VPS50: variants seen among roughly 807,000 people sequenced by gnomAD.
The protein encoded by VPS50 is VPS50 subunit of EARP/GARPII complex.
A neutral mutation model predicts 139.7 loss-of-function variants in VPS50; 70 were observed. The ratio of observed to expected loss-of-function variants is 0.50; its 90% CI spans 0.41 to 0.61. The LOEUF is 0.61. Ranked by LOEUF, VPS50 falls within the 20% of genes least tolerant of loss-of-function variation. VPS50 has a pLI of 0.00. For missense variants in VPS50, 921 were observed against 1,133.7 expected (o/e 0.81, Z 2.69); for synonymous variants, 365 against 376.7 (o/e 0.97, Z 0.36).
chr7:93,257,781 T>A, intron 6 of VPS50: 1 of 245,004 alleles, frequency 4.1e-6, no homozygotes, highest in Admixed American at 5.3e-5. Context: ...TTTTTAAAAA[T>A]GCAGTAAAAA....
intron 22 of VPS50, among the ~76,000 whole-genome samples, 198 bp from the exon 23 acceptor site, chr7:93,341,229 G>A (rs1798201207): frequency 1.3e-5 from 2 of 152,142 alleles, no homozygotes; most frequent in African/African-American, 4.8e-5. Flanking sequence ...ATGATATTAT[G>A]TAGGCTCATT....
intron 12 of VPS50, 24 bp downstream of exon 12, chr7:93,276,329 T>G (rs774831296): frequency 1.3e-6 from 2 of 1,585,804 alleles, no homozygotes; most frequent in Non-Finnish European, 1.7e-6. Flanking sequence ...TAATTACTAT[T>G]CATATATCTC....
chr7:93,283,638 A>G (rs1249391613), intron 12 of VPS50, among the ~76,000 whole-genome samples: 1 of 152,222 alleles, frequency 6.6e-6, no homozygotes, highest in Non-Finnish European at 1.5e-5. Flanking sequence ...TTAAGGTCAC[A>G]TTAATTATGA....
intron 1 of VPS50, among the ~76,000 whole-genome samples, chr7:93,236,023 A>T (rs1164859815): frequency 2.0e-5 from 3 of 152,216 alleles, no homozygotes; most frequent in Non-Finnish European, 4.4e-5. Flanking sequence ...GTGAGGTAAG[A>T]AGTCTTTAGC....
intron 20 of VPS50, among the ~76,000 whole-genome samples, chr7:93,315,601 C>T (rs1797402489): frequency 6.6e-6 from 1 of 152,132 alleles, no homozygotes; most frequent in Non-Finnish European, 1.5e-5. Flanking sequence ...GCTTTGGGTA[C>T]TTGCTAGTCT....
intron 26 of VPS50, 69 bp downstream of exon 26, chr7:93,353,830 A>G (rs1798624464): frequency 1.7e-6 from 2 of 1,211,746 alleles, no homozygotes; most frequent in Admixed American, 2.1e-5. Flanking sequence ...AACATACGGT[A>G]TTAATGGTTG....
intron 12 of VPS50, among the ~76,000 whole-genome samples, chr7:93,288,281 A>G (rs1049437198): frequency 6.6e-6 from 1 of 152,154 alleles, no homozygotes; most frequent in Non-Finnish European, 1.5e-5. Flanking sequence ...TTGTAAGGGT[A>G]GCGATTATAG....
intron 1 of VPS50, among the ~76,000 whole-genome samples, chr7:93,238,340 A>C (rs551501560): frequency 6.2e-4 from 93 of 151,038 alleles, no homozygotes; most frequent in African/African-American, 2.2e-3. Context: ...ATTTTTTTGC[A>C]GTCAATTACA....
At chr7:93,349,812 ATTCT>A (rs1375635978) in intron 24 of VPS50, 59 bp from the exon 25 acceptor site, 44 of 1,260,272 alleles carry the variant, frequency 3.5e-5, no homozygotes, top group Non-Finnish European at 5.7e-6. Flanking sequence ...AGGGGCAAGT[ATTCT>A]TTATCAATAT....
rs759563759 is a variant in VPS50 at position 93,271,201 on chromosome 7, T to G, written c.660-19T>G. 151 of 453,054 alleles carry G rather than the reference T, an allele frequency of 3.3e-4. No individual in the cohort carries two copies. The highest frequency in any genetic ancestry group is 5.1e-4 in the Non-Finnish European group (148 of 287,758). The allele number at this position is 453,054 out of a possible 1,614,324, so 28.1% of individuals were successfully genotyped here. A position where few individuals can be genotyped will look rare whatever the true frequency, so the allele number is the denominator to read the frequency against. Reference sequence around the variant, plus strand: ...TTGTCTCAGAAATAGAAAAAAACTGTTTTTTTTTTTTTTAATAGTGAACTG... The same window carrying G: ...TTGTCTCAGAAATAGAAAAAAACTGGTTTTTTTTTTTTTAATAGTGAACTG... On this transcript the variant is annotated intron_variant, in intron 9 of 27. Coordinates refer to ENST00000305866, the MANE Select transcript of VPS50 (RefSeq NM_017667.4).
chr7:93,315,597 G>A (rs1797402161), intron 20 of VPS50, among the ~76,000 whole-genome samples: 1 of 152,006 alleles, frequency 6.6e-6, no homozygotes, highest in Non-Finnish European at 1.5e-5. Flanking sequence ...TCCAGCTTTG[G>A]GTACTTGCTA....
At chr7:93,329,168 C>T (rs1160396286) in intron 21 of VPS50, among the ~76,000 whole-genome samples, 1 of 152,088 alleles carries the variant, frequency 6.6e-6, no homozygotes, top group Admixed American at 6.6e-5. Flanking sequence ...TTTAAATGGG[C>T]TTTTATCCTT....
chr7:93,261,335 A>G (rs542353482), intron 9 of VPS50, among the ~76,000 whole-genome samples: 1 of 152,278 alleles, frequency 6.6e-6, no homozygotes, highest in Non-Finnish European at 1.5e-5. Flanking sequence ...TGGTTTCATA[A>G]AGAACATAAT....
chr7:93,259,424 C>T, intron 8 of VPS50, 126 bp from the exon 9 acceptor site: 2 of 537,700 alleles, frequency 3.7e-6, no homozygotes, highest in Non-Finnish European at 3.4e-6. Context: ...CATTGATATT[C>T]TAAGAGGAAT....
intron 19 of VPS50, among the ~76,000 whole-genome samples, chr7:93,310,458 A>G (rs1418006629): frequency 6.6e-6 from 1 of 151,290 alleles, no homozygotes; most frequent in Non-Finnish European, 1.5e-5. Flanking sequence ...TTAGATCTAA[A>G]TTTAGGGGTT....
chr7:93,247,060 A>T (rs1263020101), intron 2 of VPS50, among the ~76,000 whole-genome samples: 1 of 151,930 alleles, frequency 6.6e-6, no homozygotes, highest in Middle Eastern at 3.2e-3. Context: ...ACATTTATGT[A>T]CATGTTCATG....
Position 93,348,956 on chromosome 7 carries a change from T to A in VPS50, c.2304+149T>A, listed in dbSNP as rs114729055. ...AATATTCATTTATTCACTCATGAAT[T>A]CCTACATTAAATACATACTATCGAG... On this transcript the variant is annotated intron_variant, in intron 24 of 27. Transcript: ENST00000305866. The A allele has an allele frequency of 3.5e-3, 2,142 of 611,340 alleles. 40 individuals are homozygous for A. Among genetic ancestry groups the A allele is most frequent in the African/African-American group, 0.034 (1,860 of 54,064 alleles). The allele number at this position is 611,340 out of a possible 1,614,324, so 37.9% of individuals were successfully genotyped here. A position where few individuals can be genotyped will look rare whatever the true frequency, so the allele number is the denominator to read the frequency against.
intron 20 of VPS50, among the ~76,000 whole-genome samples, chr7:93,313,052 C>A (rs1797317387): frequency 6.6e-6 from 1 of 152,200 alleles, no homozygotes; most frequent in South Asian, 2.1e-4. Flanking sequence ...ATATGCAGCT[C>A]TGCTCCGTGT....
chr7:93,321,936 G>A (rs1477507590), intron 20 of VPS50, among the ~76,000 whole-genome samples: 1 of 152,164 alleles, frequency 6.6e-6, no homozygotes, highest in Non-Finnish European at 1.5e-5. Context: ...GTAACCGTAT[G>A]TTTTGTAGCT....
Sources: gnomAD v4.1 joint callset for allele counts (sites outside exome capture counted in the v4.1 genomes callset) on GRCh38, gnomAD v4.1.1 for gene constraint, MANE v1.5 for transcripts, NCBI Gene and HGNC (gene_info 2026-07-23, HGNC 2026-07-21) for gene names.